KDM5A: variants seen among roughly 807,000 people sequenced by gnomAD.
KDM5A encodes the protein lysine demethylase 5A.
A neutral mutation model predicts 193.5 loss-of-function variants in KDM5A; 42 were observed. The ratio of observed to expected loss-of-function variants is 0.22; its 90% CI spans 0.17 to 0.28. The LOEUF (loss-of-function observed/expected upper bound fraction) is 0.28. Ranked by LOEUF, KDM5A falls within the 10% of genes least tolerant of loss-of-function variation. KDM5A has a pLI of 1.00. For synonymous variants in KDM5A, 796 were observed against 718.1 expected, an observed-to-expected ratio of 1.11 and a Z score of -1.73; for missense variants, 1,692 against 2,055.1, an observed-to-expected ratio of 0.82 and a Z score of 3.42.
At chr12:385,581 G>A (rs764952117) in intron 2 of KDM5A, among the ~76,000 whole-genome samples, 11 of 152,008 alleles carry the variant, frequency 7.2e-5, no homozygotes, top group Non-Finnish European at 1.5e-4. Flanking sequence ...CATTTTCCAA[G>A]AACCGAGGGA....
chr12:292,379 A>AC (rs1163691084), intron 27 of KDM5A, among the ~76,000 whole-genome samples: 6 of 152,076 alleles, frequency 3.9e-5, no homozygotes, highest in Non-Finnish European at 8.8e-5. Flanking sequence ...CTGGCCCAGG[A>AC]TTTTTTTCAG....
At chr12:292,471 T>C (rs1943308208) in intron 27 of KDM5A, among the ~76,000 whole-genome samples, 2 of 152,226 alleles carry the variant, frequency 1.3e-5, no homozygotes, top group Admixed American at 1.3e-4. Flanking sequence ...AAACTTGTTA[T>C]GCCCACTGCA....
At chr12:314,882 A>G (rs1029381026) in intron 19 of KDM5A, among the ~76,000 whole-genome samples, 3 of 152,214 alleles carry the variant, frequency 2.0e-5, no homozygotes, top group Non-Finnish European at 4.4e-5. Context: ...ATAGCAAGAG[A>G]TAAGACTAGA....
intron 3 of KDM5A, among the ~76,000 whole-genome samples, chr12:371,476 T>TTTGC (rs1944427111): frequency 1.4e-4 from 2 of 13,916 alleles, no homozygotes; most frequent in South Asian, 2.8e-3. Flanking sequence ...TTCTCGTAAA[T>TTTGC]TTGAGTTCTT....
At chr12:360,323 G>C (rs1944279300) in intron 5 of KDM5A, among the ~76,000 whole-genome samples, 1 of 152,144 alleles carries the variant, frequency 6.6e-6, no homozygotes, top group East Asian at 1.9e-4. Context: ...GGCAGTACTT[G>C]AAATCACATG....
At chr12:318,585 C>T in intron 18 of KDM5A, 124 bp from the exon 19 acceptor site, 1 of 690,548 alleles carries the variant, frequency 1.4e-6, no homozygotes, top group Non-Finnish European at 2.5e-6. Flanking sequence ...ATCATAACAC[C>T]AAATATTCAG....
intron 24 of KDM5A, among the ~76,000 whole-genome samples, chr12:300,101 C>G (rs1032383389): frequency 3.9e-5 from 6 of 151,974 alleles, no homozygotes; most frequent in African/African-American, 1.5e-4. Context: ...GACTTTAACA[C>G]CCCACTGTCC....
chr12:310,008 A>G, intron 21 of KDM5A, 44 bp from the exon 22 acceptor site: 2 of 1,589,468 alleles, frequency 1.3e-6, no homozygotes, highest in Non-Finnish European at 1.7e-6. Context: ...TTTTGAAAAT[A>G]ATCTTAAAAG....
rs759167310 is a variant in KDM5A, at chr12:356,477, C to T, written c.733G>A (p.Gly245Arg). 1 of 1,613,718 alleles carries T rather than the reference C, an allele frequency of 6.2e-7. No homozygotes were observed. Among genetic ancestry groups the T allele is most frequent in the Non-Finnish European group, 8.5e-7 (1 of 1,179,676 alleles). The change falls in exon 6 of 28, where the codon GGG (glycine) becomes AGG (arginine). Residue 245 changes from glycine (G) to arginine (R), a missense_variant. Gly to Arg is a moderately radical substitution (Grantham distance 125, BLOSUM62 -2). Coordinates refer to ENST00000399788, the MANE Select transcript of KDM5A (RefSeq NM_001042603.3). ...ELKKLQIFGA[G>R]PKVVGLAMGT... Reference sequence around the variant, plus strand: ...ATTGCCAAGCCCACAACCTTGGGCCCAGCCCCAAAAATCTGAAGTTTCTTC... The same window carrying T: ...ATTGCCAAGCCCACAACCTTGGGCCTAGCCCCAAAAATCTGAAGTTTCTTC...
At chr12:295,123 C>G (rs990945392) in intron 26 of KDM5A, among the ~76,000 whole-genome samples, 2 of 152,076 alleles carry the variant, frequency 1.3e-5, no homozygotes, top group Non-Finnish European at 2.9e-5. Context: ...GGTTATCAAT[C>G]TTGCCCTTCC....
intron 27 of KDM5A, among the ~76,000 whole-genome samples, chr12:291,898 A>G (rs1057381723): frequency 4.7e-5 from 7 of 148,568 alleles, no homozygotes; most frequent in Admixed American, 1.4e-4. Flanking sequence ...TTTTAAAACA[A>G]TGCTTTTTTT....
At chr12:306,580 T>C (rs1159517796) in intron 24 of KDM5A, among the ~76,000 whole-genome samples, 1 of 151,866 alleles carries the variant, frequency 6.6e-6, no homozygotes, top group Non-Finnish European at 1.5e-5. Flanking sequence ...CCATCTCTAC[T>C]AAAAACACAA....
chr12:385,179 T>A (rs1040394355), intron 2 of KDM5A, among the ~76,000 whole-genome samples: 27 of 132,084 alleles, frequency 2.0e-4, no homozygotes, highest in African/African-American at 7.5e-4. Context: ...CAAGACTCTC[T>A]GGAAAAAAAA....
chr12:286,433 C>T (rs557015349), intron 27 of KDM5A, among the ~76,000 whole-genome samples: 1 of 152,238 alleles, frequency 6.6e-6, no homozygotes, highest in African/African-American at 2.4e-5. Flanking sequence ...TAAGAGTTAA[C>T]AATAAAGTGA....
chr12:324,389 C>T (rs762726371), intron 14 of KDM5A, among the ~76,000 whole-genome samples: 2 of 151,914 alleles, frequency 1.3e-5, no homozygotes, highest in Admixed American at 6.6e-5. Flanking sequence ...TGGGGGTGGC[C>T]GGCTATACAC....
chr12:384,085 A>C lies in KDM5A; in HGVS notation c.312T>G (p.Thr104=). ...TTCTCTCTACCACAGGGATCTTCAG[A>C]GTAGATCCTTGAAGTTCCCAAAATT... The part of the protein sequence containing the change: ...LAKFWELQGS[T]LKIPVVERKI... Residue 104 remains threonine, a synonymous_variant, in exon 3 of 28, where the codon ACT becomes ACG. Transcript: ENST00000399788. 6.2e-7 allele frequency: 1 copy of C among 1,610,286 alleles called. No individual in the cohort carries two copies. Among genetic ancestry groups the C allele is most frequent in the African/African-American group, 1.3e-5 (1 of 75,018 alleles).
At position 282,634 on chromosome 12, in the gene KDM5A, A is replaced by G. The variant is rs1943169770; in HGVS notation, c.*2822T>C. On this transcript the variant is annotated 3_prime_UTR_variant, in exon 28 of 28. Transcript: ENST00000399788. The stretch of plus-strand genomic sequence containing the variant: ...TAATGACTTAGCTTTTAAGAATACC[A>G]CAGGCCTACCATATTTCCATTTTTC... 1 of 233,172 alleles carries G rather than the reference A, an allele frequency of 4.3e-6. No individual in the cohort carries two copies. The highest frequency in any genetic ancestry group is 2.2e-5 in the African/African-American group (1 of 45,484). 14.4% of individuals were successfully genotyped at this position (233,172 alleles called of 1,614,324 possible).
chr12:327,796 T>C (rs1465241491), intron 14 of KDM5A, among the ~76,000 whole-genome samples: 1 of 152,204 alleles, frequency 6.6e-6, no homozygotes, highest in East Asian at 1.9e-4. Context: ...GAGGACTGCT[T>C]GAAGCCAGGA....
chr12:388,381 C>A, intron 1 of KDM5A: 2 of 442,008 alleles, frequency 4.5e-6, no homozygotes, highest in South Asian at 3.2e-5. Context: ...TCCTAAACCT[C>A]TAAATTTTAG....
Sources: allele counts gnomAD v4.1 joint callset (sites outside exome capture counted in the v4.1 genomes callset), GRCh38; gene constraint gnomAD v4.1.1; transcripts MANE v1.5; gene names NCBI Gene and HGNC (gene_info 2026-07-23, HGNC 2026-07-21).